The following VRK2 variants were observed in gnomAD, a reference collection of about 807,000 sequenced individuals.
VRK2 encodes the protein VRK serine/threonine kinase 2.
Under a neutral mutation model 57.6 loss-of-function variants are expected in VRK2, and 60 were observed. The observed-to-expected ratio is 1.04, with a 90% CI of 0.85 to 1.29. The LOEUF (loss-of-function observed/expected upper bound fraction) is 1.29. Ranked by LOEUF, VRK2 falls within the 50% of genes most tolerant of loss-of-function variation. The pLI, the probability that VRK2 is intolerant of heterozygous loss-of-function variation, is 0.00. For missense variants in VRK2, 705 were observed against 588.1 expected (o/e 1.20, Z -2.06); for synonymous variants, 231 against 199.2 (o/e 1.16, Z -1.35).
At chr2:58,130,930 A>G (rs1267607618) in intron 8 of VRK2, among the ~76,000 whole-genome samples, 1 of 152,132 alleles carries the variant, frequency 6.6e-6, no homozygotes, top group Non-Finnish European at 1.5e-5. Context: ...TACATTTCCT[A>G]GGTTTCATTG....
At chr2:57,992,498 A>T (rs1448503831) in intron 1 of VRK2, among the ~76,000 whole-genome samples, 8 of 152,234 alleles carry the variant, frequency 5.3e-5, no homozygotes, top group Non-Finnish European at 8.8e-5. Context: ...AGAAATAATG[A>T]AAAACTCACA....
chr2:58,046,982 G>A (rs900761295), intron 1 of VRK2, 114 bp downstream of exon 1: 64 of 985,122 alleles, frequency 6.5e-5, no homozygotes, highest in Non-Finnish European at 7.7e-5. Flanking sequence ...CGGGGACTCC[G>A]GGCCGTCCCA....
chr2:57,929,427 C>T (rs969086770), intron 1 of VRK2, among the ~76,000 whole-genome samples: 3 of 152,236 alleles, frequency 2.0e-5, no homozygotes, highest in Admixed American at 1.3e-4. Flanking sequence ...GTGATTGCCT[C>T]CAGGCCTAGG....
At chr2:57,955,613 C>A (rs548510016) in intron 1 of VRK2, among the ~76,000 whole-genome samples, 18 of 152,144 alleles carry the variant, frequency 1.2e-4, no homozygotes, top group Admixed American at 1.2e-3. Context: ...TACAAATTAT[C>A]AAAAAACATC....
intron 7 of VRK2, among the ~76,000 whole-genome samples, chr2:58,121,803 A>G (rs776322943): frequency 4.6e-5 from 7 of 152,314 alleles, no homozygotes; most frequent in Non-Finnish European, 7.4e-5. Context: ...GTATGAAATG[A>G]TACATTTTCC....
At chr2:58,025,889 C>T (rs1417795535) in intron 2 of VRK2, 1 of 152,160 alleles carries the variant, frequency 6.6e-6, no homozygotes, top group East Asian at 1.9e-4. Context: ...CTTTATCTAA[C>T]TTTTGCTCCC....
intron 7 of VRK2, among the ~76,000 whole-genome samples, chr2:58,099,393 C>T (rs972558336): frequency 6.6e-6 from 1 of 152,034 alleles, no homozygotes; most frequent in Admixed American, 6.6e-5. Flanking sequence ...TCTCACTTGC[C>T]TTCGTGTTGT....
chr2:58,140,214 G>A (rs922468193), intron 11 of VRK2, among the ~76,000 whole-genome samples: 3 of 151,990 alleles, frequency 2.0e-5, no homozygotes, highest in Admixed American at 6.6e-5. Context: ...AACAGTCTTC[G>A]ATTTAACCAG....
chr2:58,049,901 T>C (rs985101551), intron 2 of VRK2, among the ~76,000 whole-genome samples: 1 of 152,178 alleles, frequency 6.6e-6, no homozygotes, highest in Non-Finnish European at 1.5e-5. Context: ...AATGAATGAA[T>C]GAAGTTTGGT....
chr2:57,926,317 T>G (rs2103918892), intron 1 of VRK2, among the ~76,000 whole-genome samples: 1 of 151,910 alleles, frequency 6.6e-6, no homozygotes. Context: ...ATGCTGAAAG[T>G]TGGGTATTGA....
At chr2:58,034,442 G>T (rs1171068312) in intron 3 of VRK2, among the ~76,000 whole-genome samples, 1 of 151,994 alleles carries the variant, frequency 6.6e-6, no homozygotes, top group African/African-American at 2.4e-5. Context: ...GATCCTGCCT[G>T]ACTACTGAAA....
chr2:57,989,132 C>T (rs6545678), intron 1 of VRK2, among the ~76,000 whole-genome samples: 6,580 of 152,264 alleles, frequency 0.043, 459 homozygotes, highest in African/African-American at 0.15. Flanking sequence ...CACACATAGC[C>T]TCAAGGGTCT....
At chr2:57,908,511 G>T (rs1202790813) in intron 1 of VRK2, among the ~76,000 whole-genome samples, 1 of 151,724 alleles carries the variant, frequency 6.6e-6, no homozygotes, top group Non-Finnish European at 1.5e-5. Context: ...ATAGATGGAT[G>T]AAAACATTAA....
intron 1 of VRK2, among the ~76,000 whole-genome samples, chr2:57,944,586 A>G (rs1394613266): frequency 6.6e-6 from 1 of 152,140 alleles, no homozygotes; most frequent in Non-Finnish European, 1.5e-5. Context: ...AATACAAAAA[A>G]TTGGTCAGGC....
chr2:58,142,700 A>G (rs1681520447), intron 11 of VRK2, among the ~76,000 whole-genome samples: 1 of 151,880 alleles, frequency 6.6e-6, no homozygotes, highest in Admixed American at 6.6e-5. Flanking sequence ...GGTGAGCTAA[A>G]GCTCTAGAAT....
At chr2:58,083,110 C>G (rs1671128945) in intron 2 of VRK2, among the ~76,000 whole-genome samples, 1 of 151,710 alleles carries the variant, frequency 6.6e-6, no homozygotes, top group Non-Finnish European at 1.5e-5. Flanking sequence ...AAGTCTGTTT[C>G]TTACTGATTT....
At chr2:57,961,347 T>G (rs1241136395) in intron 1 of VRK2, among the ~76,000 whole-genome samples, 2 of 152,140 alleles carry the variant, frequency 1.3e-5, no homozygotes, top group African/African-American at 4.8e-5. Context: ...AGAGCATGCT[T>G]GGCCTGACCA....
At position 57,951,924 on chromosome 2, in the gene VRK2, C is replaced by CTT. The variant is rs77314112; in HGVS notation, c.-439+44102_-439+44103dup. 9.8e-4 allele frequency among the ~76,000 whole-genome samples: 126 copies of CTT among 128,730 alleles called. 2 individuals carry two copies. The highest frequency in any genetic ancestry group is 2.4e-3 in the African/African-American group (83 of 34,038). 84.5% of individuals were successfully genotyped at this position (128,730 alleles called of 152,430 possible). A position where few individuals can be genotyped will look rare whatever the true frequency, so the allele number is the denominator to read the frequency against. Reference sequence around the variant, plus strand: ...ATGCCCAGGTAATTTTTTTTCCTTCCTTTTTTTTTTTTTTTTTTAAGAGAG... The same window carrying CTT: ...ATGCCCAGGTAATTTTTTTTCCTTCCTTTTTTTTTTTTTTTTTTTTAAGAGAG... On this transcript the variant is annotated intron_variant, in intron 1 of 15. Transcript: ENST00000417641.
intron 7 of VRK2, among the ~76,000 whole-genome samples, chr2:58,120,780 C>T (rs1388396231): frequency 2.6e-5 from 4 of 152,296 alleles, no homozygotes; most frequent in South Asian, 2.1e-4. Context: ...CATTCCTTTG[C>T]AGGATATTAG....
Sources: gnomAD v4.1 joint callset for allele counts (sites outside exome capture counted in the v4.1 genomes callset) on GRCh38, gnomAD v4.1.1 for gene constraint, MANE v1.5 for transcripts, NCBI Gene and HGNC (gene_info 2026-07-23, HGNC 2026-07-21) for gene names.